MYB: variants seen among roughly 807,000 people sequenced by gnomAD.
MYB encodes the protein transcriptional activator Myb.
Under a neutral mutation model 92.9 loss-of-function variants are expected in MYB, and 28 were observed. That is an observed-to-expected ratio of 0.30 (90% CI 0.22 to 0.41). MYB has a LOEUF of 0.41. Among genes scored for constraint, MYB ranks in the 10% least tolerant of loss-of-function variants. MYB has a pLI of 1.00. For missense variants in MYB, 679 were observed against 929.3 expected (o/e 0.73, Z 3.50); for synonymous variants, 295 against 329.1 (o/e 0.90, Z 1.12).
At position 135,185,909 on chromosome 6, in the gene MYB, T is replaced by C. The variant is rs1293831318; in HGVS notation, c.30T>C (p.Tyr10=). ...CCCATTCTTATTTCTGCAGCATATA[T>C]AGCAGTGACGAGGATGATGAGGACT... is the stretch of plus-strand genomic sequence containing the variant. MARRPRHSI[Y]SSDEDDEDFE... Residue 10 remains tyrosine, a synonymous_variant, in exon 2 of 16, where the codon TAT becomes TAC. Transcript: ENST00000341911. 6.2e-7 allele frequency: 1 copy of C among 1,612,714 alleles called. No individual in the cohort carries two copies. The highest frequency in any genetic ancestry group is 8.5e-7 in the Non-Finnish European group (1 of 1,178,774).
rs56305107 is a variant in MYB at position 135,199,919 on chromosome 6, A to G, written c.1710-166A>G. Among the ~76,000 whole-genome samples the G allele has an allele frequency of 1.2e-3, 180 of 152,366 alleles. No homozygotes were observed. In the East Asian group the frequency reaches 0.029, roughly 25 times the overall value. On this transcript the variant is annotated intron_variant, in intron 11 of 15. Coordinates refer to ENST00000341911, the MANE Select transcript of MYB (RefSeq NM_001130173.2). ...AAATATTTGAAAATATGTGATATGCATATTCTCTTTTTCTTAACGAATAAC... is the reference window on the plus strand; with the variant it reads ...AAATATTTGAAAATATGTGATATGCGTATTCTCTTTTTCTTAACGAATAAC...
intron 3 of MYB, among the ~76,000 whole-genome samples, chr6:135,189,015 T>A (rs1238078321): frequency 6.6e-6 from 1 of 152,154 alleles, no homozygotes; most frequent in African/African-American, 2.4e-5. Flanking sequence ...TCTAAGCAGG[T>A]TTGCTTGAAT....
intron 3 of MYB, among the ~76,000 whole-genome samples, chr6:135,189,088 C>G (rs1380904861): frequency 6.6e-6 from 1 of 152,160 alleles, no homozygotes; most frequent in Non-Finnish European, 1.5e-5. Flanking sequence ...AGAATATTCT[C>G]CCTTTATGTC....
intron 15 of MYB, among the ~76,000 whole-genome samples, chr6:135,214,164 C>G (rs199515330): frequency 2.0e-5 from 3 of 152,064 alleles, no homozygotes; most frequent in East Asian, 3.9e-4. Flanking sequence ...CTCCTGTAGT[C>G]CCAGCTACTC....
chr6:135,186,440 C>G lies in MYB; in HGVS notation c.141+420C>G, dbSNP rs568540456. ...TGTTGCTGGGACATATATACCTCCTCCAGCTGACTGCAAGTCTGTTGAGGG... is the reference window on the plus strand; with the variant it reads ...TGTTGCTGGGACATATATACCTCCTGCAGCTGACTGCAAGTCTGTTGAGGG... On this transcript the variant is annotated intron_variant, in intron 2 of 15. Transcript: ENST00000341911. 2.0e-5 allele frequency among the ~76,000 whole-genome samples: 3 copies of G among 152,338 alleles called. No individual in the cohort carries two copies. In the South Asian group the frequency reaches 6.2e-4, roughly 32 times the overall value.
Position 135,195,736 on chromosome 6 carries a change from C to T in MYB, c.949-12C>T. Reference sequence around the variant, plus strand: ...TCCTCTCTTTATTTCTACACCCTTCCCCCTTCCTTAGACACAGAACCACAC... The same window carrying T: ...TCCTCTCTTTATTTCTACACCCTTCTCCCTTCCTTAGACACAGAACCACAC... On this transcript the variant is annotated splice_polypyrimidine_tract_variant and intron_variant, in intron 8 of 15. Coordinates refer to ENST00000341911, the MANE Select transcript of MYB (RefSeq NM_001130173.2). The T allele has an allele frequency of 6.2e-7, 1 of 1,613,250 alleles. No homozygotes were observed. The highest frequency in any genetic ancestry group is 8.5e-7 in the Non-Finnish European group (1 of 1,179,246).
In MYB at chr6:135,202,594, C is replaced by T. The variant is rs210801; in HGVS notation, c.2062-623C>T. 5.3e-3 allele frequency: 967 copies of T among 182,016 alleles called. 2 individuals are homozygous for T. The highest frequency in any genetic ancestry group is 8.5e-3 in the Non-Finnish European group (733 of 86,064). The allele number at this position is 182,016 out of a possible 1,614,324, so 11.3% of individuals were successfully genotyped here. On this transcript the variant is annotated intron_variant, in intron 14 of 15. Transcript: ENST00000341911. Reference sequence around the variant, plus strand: ...TGTTGGTCAGGCTGGTCTTGAACTCCTGACCTCAGGTGATCTACCCGCCTC... The same window carrying T: ...TGTTGGTCAGGCTGGTCTTGAACTCTTGACCTCAGGTGATCTACCCGCCTC...
chr6:135,191,181 T>G lies in MYB; in HGVS notation c.527+834T>G, dbSNP rs1031178700. ...GTATTTCTTGAATTCTCATACTACT[T>G]CCAGGTTTTTAAATAATGTCAGGGT... On this transcript the variant is annotated intron_variant, in intron 5 of 15. Coordinates refer to ENST00000341911, the MANE Select transcript of MYB (RefSeq NM_001130173.2). 5.9e-5 allele frequency among the ~76,000 whole-genome samples: 9 copies of G among 152,304 alleles called. No individual in the cohort carries two copies. In the East Asian group the frequency reaches 1.5e-3, roughly 26 times the overall value.
chr6:135,185,865 T>C, intron 1 of MYB, 38 bp from the exon 2 acceptor site: 1 of 1,517,752 alleles, frequency 6.6e-7, no homozygotes, highest in South Asian at 1.1e-5. Flanking sequence ...CTAAATCCTC[T>C]TGTTTCAGCC....
chr6:135,181,530 G>A lies in MYB; in HGVS notation c.17G>A (p.Arg6Gln), dbSNP rs1358619520. The change falls in exon 1 of 16, where the codon CGG becomes CAG. Residue 6 changes from arginine to glutamine, a missense_variant. Arg to Gln is a conservative substitution (Grantham distance 43, BLOSUM62 1). This residue lies in a region of MYB where 88 missense variants were observed against 145.6 expected (regional missense o/e 0.60). Transcript: ENST00000341911. The surrounding 1 kb of genome is among the most constrained non-coding windows in gnomAD (Gnocchi z 5.3). The part of the protein sequence containing the change: MARRP[R>Q]HSIYSSDEDD... ...CGCCGCGCCATGGCCCGAAGACCCC[G>A]GCACAGGTAACGGGGAGCCGGGCGG... is the stretch of plus-strand genomic sequence containing the variant. The A allele has an allele frequency of 4.3e-6, 5 of 1,164,114 alleles. No individual in the cohort carries two copies. The highest frequency in any genetic ancestry group is 4.2e-5 in the South Asian group (1 of 23,682). The allele number at this position is 1,164,114 out of a possible 1,614,324, so 72.1% of individuals were successfully genotyped here.
rs1212057861 is a variant in MYB at position 135,203,247 on chromosome 6, C to T, written c.2092C>T (p.Pro698Ser). 2 of 1,609,760 alleles carry T rather than the reference C, an allele frequency of 1.2e-6. No individual in the cohort carries two copies. The highest frequency in any genetic ancestry group is 1.1e-5 in the South Asian group (1 of 90,718). Reference sequence around the variant, plus strand: ...TCTTACAAGCTCCGTTTTAATGGCACCAGCATCAGAAGATGAAGACAATGT... The same window carrying T: ...TCTTACAAGCTCCGTTTTAATGGCATCAGCATCAGAAGATGAAGACAATGT... ...NILTSSVLMA[P>S]ASEDEDNVLK... The change falls in exon 15 of 16, where the codon CCA becomes TCA. Residue 698 changes from proline (P) to serine (S), a missense_variant. Around this residue, in one of 8 missense-constraint regions of MYB, gnomAD observed 402 missense variants for 434.2 expected, o/e 0.93. Coordinates refer to ENST00000341911, the MANE Select transcript of MYB (RefSeq NM_001130173.2).
At chr6:135,192,616 A>G in intron 6 of MYB, 58 bp downstream of exon 6, 1 of 1,506,932 alleles carries the variant, frequency 6.6e-7, no homozygotes, top group South Asian at 1.1e-5. Context: ...AGCTCCAGGT[A>G]ATAATCATAC....
At chr6:135,206,853 G>A (rs555807280) in intron 15 of MYB, among the ~76,000 whole-genome samples, 1 of 152,178 alleles carries the variant, frequency 6.6e-6, no homozygotes, top group African/African-American at 2.4e-5. Flanking sequence ...TTCATTTTAT[G>A]TCATGGAGTT....
chr6:135,214,752 T>A (rs1004125983), intron 15 of MYB, among the ~76,000 whole-genome samples: 2 of 152,230 alleles, frequency 1.3e-5, no homozygotes, highest in Non-Finnish European at 2.9e-5. Context: ...ATTTTGTTTT[T>A]TAATTGGTTT....
Position 135,218,114 on chromosome 6 carries a change from C to T in MYB, c.*134C>T. 1.5e-6 allele frequency: 1 copy of T among 660,424 alleles called. No individual in the cohort carries two copies. The highest frequency in any genetic ancestry group is 2.6e-6 in the Non-Finnish European group (1 of 379,194). 40.9% of individuals were successfully genotyped at this position (660,424 alleles called of 1,614,324 possible). A position where few individuals can be genotyped will look rare whatever the true frequency, so the allele number is the denominator to read the frequency against. ...TGTGGTACAACAGTTGAGAGCAGCACCAAGTGCATTTAGTTGAATGAAGTC... is the reference window on the plus strand; with the variant it reads ...TGTGGTACAACAGTTGAGAGCAGCATCAAGTGCATTTAGTTGAATGAAGTC... On this transcript the variant is annotated 3_prime_UTR_variant, in exon 16 of 16. Transcript: ENST00000341911.
chr6:135,200,587 T>C (rs753368651), intron 13 of MYB, 172 bp downstream of exon 13: 1 of 933,490 alleles, frequency 1.1e-6, no homozygotes, highest in South Asian at 1.4e-5. Flanking sequence ...ATCATCAACC[T>C]TTCCTTTGGG....
intron 11 of MYB, among the ~76,000 whole-genome samples, chr6:135,199,850 G>A (rs1470988538): frequency 6.6e-6 from 1 of 152,158 alleles, no homozygotes; most frequent in African/African-American, 2.4e-5. Flanking sequence ...AAGGAAAGAT[G>A]TTAAATCATT....
intron 15 of MYB, among the ~76,000 whole-genome samples, chr6:135,214,422 C>T (rs1193476064): frequency 6.6e-6 from 1 of 152,144 alleles, no homozygotes; most frequent in Admixed American, 6.5e-5. Flanking sequence ...TCCTGGTTCT[C>T]ACATCTCCAT....
chr6:135,195,887 C>G lies in MYB; in HGVS notation c.1088C>G (p.Ser363Cys), dbSNP rs1279471374. The stretch of plus-strand genomic sequence containing the variant: ...CCATCTCTGCCAGCGGATCCTGGCT[C>G]CCTACCTGAAGAAAGCGCCTCGCCA... Reference protein sequence around the residue: ...STPSLPADPGSLPEESASPAR... With the variant: ...STPSLPADPGCLPEESASPAR... The change falls in exon 9 of 16, where the codon TCC becomes TGC. Residue 363 changes from serine (S) to cysteine (C), a missense_variant. Around this residue, in one of 8 missense-constraint regions of MYB, gnomAD observed 56 missense variants for 55.8 expected, o/e 1.00. Transcript: ENST00000341911. 1 of 1,614,024 alleles carries G rather than the reference C, an allele frequency of 6.2e-7. No homozygotes were observed. The highest frequency in any genetic ancestry group is 1.7e-5 in the Admixed American group (1 of 59,990).
Sources: allele counts gnomAD v4.1 joint callset (sites outside exome capture counted in the v4.1 genomes callset), GRCh38; gene constraint gnomAD v4.1.1; regional missense constraint gnomAD v4.1.1; non-coding constraint Gnocchi (gnomAD v3.1); transcripts MANE v1.5; gene names NCBI Gene and HGNC (gene_info 2026-07-23, HGNC 2026-07-21).